ASCC3: variants seen among roughly 807,000 people sequenced by gnomAD.
ASCC3 encodes activating signal cointegrator 1 complex subunit 3.
Under a neutral mutation model 256.3 loss-of-function variants are expected in ASCC3, and 158 were observed. The ratio of observed to expected loss-of-function variants is 0.62; its 90% CI spans 0.54 to 0.70. ASCC3 has a LOEUF of 0.70. Among genes scored for constraint, ASCC3 ranks in the 30% least tolerant of loss-of-function variants. The probability of loss-of-function intolerance (pLI) is 0.00; values close to 1 mark genes in which losing one functional copy is unlikely to be tolerated. For missense variants in ASCC3, 2,259 were observed against 2,626.0 expected (o/e 0.86, Z 3.05); for synonymous variants, 948 against 883.4 (o/e 1.07, Z -1.30).
chr6:100,509,412 A>T lies in ASCC3; in HGVS notation c.6583T>A (p.Ser2195Thr). 1 of 1,614,206 alleles carries T rather than the reference A, an allele frequency of 6.2e-7. No individual in the cohort carries two copies. Residue 2195 changes from serine (S) to threonine (T), a missense_variant, in exon 42 of 42, where the codon TCC becomes ACC. Physicochemically the swap from Ser to Thr is moderately conservative, Grantham distance 58. Coordinates refer to ENST00000369162, the MANE Select transcript of ASCC3 (RefSeq NM_006828.4). ...TACTTTAATGCCAGGTCAGTCAGGG[A>T]ATCAGAGACCTTGGTGTTGACCTGT... ...SAQVNTKVSD[S>T]LTDLALK
intron 36 of ASCC3, among the ~76,000 whole-genome samples, chr6:100,567,682 T>A (rs1002419797): frequency 6.6e-6 from 1 of 152,196 alleles, no homozygotes; most frequent in African/African-American, 2.4e-5. Flanking sequence ...CTTGTGTTAA[T>A]TTGCTTAGGA....
chr6:100,638,515 C>A (rs915562959), intron 25 of ASCC3, 86 bp downstream of exon 25: 100 of 1,138,616 alleles, frequency 8.8e-5, no homozygotes, highest in Non-Finnish European at 1.2e-4. Flanking sequence ...ATTCATTAGA[C>A]CCTGCCAATA....
chr6:100,545,087 C>T (rs1582422412), intron 36 of ASCC3, among the ~76,000 whole-genome samples: 1 of 152,090 alleles, frequency 6.6e-6, no homozygotes, highest in East Asian at 1.9e-4. Context: ...AAAAAAAAAT[C>T]TGACAAAGTT....
chr6:100,649,989 A>G (rs1339340870), intron 20 of ASCC3, among the ~76,000 whole-genome samples: 2 of 151,630 alleles, frequency 1.3e-5, no homozygotes, highest in East Asian at 3.9e-4. Context: ...AGTTTAGGGA[A>G]TAATTTTCTT....
At chr6:100,828,109 CG>C (rs1450257502) in intron 4 of ASCC3, among the ~76,000 whole-genome samples, 9 of 72,408 alleles carry the variant, frequency 1.2e-4, no homozygotes, top group Non-Finnish European at 1.5e-4. Flanking sequence ...AAAAAAAAAA[CG>C]AAAAAAAGCT....
chr6:100,638,058 T>C (rs953312739), intron 25 of ASCC3, among the ~76,000 whole-genome samples: 8 of 152,258 alleles, frequency 5.3e-5, no homozygotes, highest in African/African-American at 1.9e-4. Context: ...CGGCATCACA[T>C]GCTACAGAAA....
intron 4 of ASCC3, among the ~76,000 whole-genome samples, chr6:100,820,569 G>A (rs1286566126): frequency 6.6e-6 from 1 of 151,668 alleles, no homozygotes; most frequent in Admixed American, 6.6e-5. Context: ...TACAGATGTA[G>A]ATATGGTAAA....
Position 100,863,986 on chromosome 6 carries a change from T to G in ASCC3, c.241+78A>C. On this transcript the variant is annotated intron_variant, in intron 3 of 41. Transcript: ENST00000369162. ...GAAATTTTAGCTTTCCTTTACATAG[T>G]ATGTTGTTTACAAGGAATCTGTTTT... The G allele has an allele frequency of 3.2e-6, 4 of 1,235,652 alleles. No individual in the cohort carries two copies. In the South Asian group the frequency reaches 5.7e-5, roughly 18 times the overall value. 76.5% of individuals were successfully genotyped at this position (1,235,652 alleles called of 1,614,324 possible). A position where few individuals can be genotyped will look rare whatever the true frequency, so the allele number is the denominator to read the frequency against.
intron 36 of ASCC3, among the ~76,000 whole-genome samples, chr6:100,546,489 A>G (rs923229106): frequency 2.0e-5 from 3 of 152,184 alleles, no homozygotes; most frequent in Admixed American, 1.3e-4. Flanking sequence ...AATGTATTTT[A>G]ATAGCAAACT....
At chr6:100,777,991 G>A (rs564522582) in intron 8 of ASCC3, among the ~76,000 whole-genome samples, 1 of 152,182 alleles carries the variant, frequency 6.6e-6, no homozygotes, top group African/African-American at 2.4e-5. Flanking sequence ...GAAAGGTGAT[G>A]CTGGTTTATA....
intron 25 of ASCC3, among the ~76,000 whole-genome samples, chr6:100,636,753 C>T (rs144439395): frequency 9.9e-4 from 151 of 152,244 alleles, no homozygotes; most frequent in Middle Eastern, 3.4e-3. Context: ...ATTCCCGATA[C>T]GGAGAAAGTC....
chr6:100,800,190 G>A, intron 6 of ASCC3, 110 bp downstream of exon 6: 1 of 1,176,514 alleles, frequency 8.5e-7, no homozygotes, highest in Non-Finnish European at 1.2e-6. Context: ...AAGAAAACGT[G>A]ACTTGAAGTA....
At chr6:100,607,179 TTA>T in intron 30 of ASCC3, 91 bp from the exon 31 acceptor site, 1 of 1,350,068 alleles carries the variant, frequency 7.4e-7, no homozygotes, top group Non-Finnish European at 1.0e-6. Context: ...AATTTTGTCT[TTA>T]TGTTATTATA....
chr6:100,678,518 T>C (rs1777138907), intron 14 of ASCC3, among the ~76,000 whole-genome samples: 2 of 152,062 alleles, frequency 1.3e-5, no homozygotes, highest in African/African-American at 4.8e-5. Context: ...AATATCAATA[T>C]AAAATAGTGA....
At chr6:100,856,547 C>T (rs997694304) in intron 3 of ASCC3, 58 of 508,240 alleles carry the variant, frequency 1.1e-4, no homozygotes, top group East Asian at 1.5e-4. Context: ...TATCAAAAAA[C>T]GAACACACCT....
chr6:100,600,562 T>C (rs1772554347), intron 34 of ASCC3, among the ~76,000 whole-genome samples: 1 of 152,118 alleles, frequency 6.6e-6, no homozygotes, highest in Non-Finnish European at 1.5e-5. Context: ...CAAACTCCTA[T>C]CTAAGTAAGT....
At chr6:100,622,031 TG>T (rs1773977048) in intron 30 of ASCC3, among the ~76,000 whole-genome samples, 1 of 152,014 alleles carries the variant, frequency 6.6e-6, no homozygotes, top group South Asian at 2.1e-4. Flanking sequence ...AAGTGGGAGC[TG>T]AAAAATGAGA....
At chr6:100,858,627 C>CA (rs1486674853) in intron 3 of ASCC3, 1 of 987,090 alleles carries the variant, frequency 1.0e-6, no homozygotes, top group Non-Finnish European at 1.2e-6. Context: ...TTTATTAATC[C>CA]ACTCATTATA....
intron 26 of ASCC3, among the ~76,000 whole-genome samples, chr6:100,630,428 A>G (rs1774478373): frequency 6.6e-6 from 1 of 151,366 alleles, no homozygotes; most frequent in South Asian, 2.1e-4. Flanking sequence ...CCACATGTTC[A>G]TATTCTTTAT....
Sources: gnomAD v4.1 joint callset for allele counts (sites outside exome capture counted in the v4.1 genomes callset) on GRCh38, gnomAD v4.1.1 for gene constraint, MANE v1.5 for transcripts, NCBI Gene and HGNC (gene_info 2026-07-23, HGNC 2026-07-21) for gene names.